The following AFG3L2 variants were observed in gnomAD, a reference collection of about 807,000 sequenced individuals.
AFG3L2 encodes the protein AFG3 like matrix AAA peptidase subunit 2, also known as mitochondrial inner membrane m-AAA protease component AFG3L2.
Under a neutral mutation model 94.5 loss-of-function variants are expected in AFG3L2, and 54 were observed. That is an observed-to-expected ratio of 0.57 (90% CI 0.46 to 0.72). The LOEUF (loss-of-function observed/expected upper bound fraction) is 0.72. Among genes scored for constraint, AFG3L2 ranks in the 30% least tolerant of loss-of-function variants. The pLI is 0.00. For synonymous variants in AFG3L2, 377 were observed against 365.5 expected (o/e 1.03, Z -0.36); for missense variants, 754 against 994.9 (o/e 0.76, Z 3.26).
chr18:12,357,732 G>A (rs1404903393), intron 8 of AFG3L2, among the ~76,000 whole-genome samples: 1 of 152,038 alleles, frequency 6.6e-6, no homozygotes, highest in Non-Finnish European at 1.5e-5. Context: ...TGAGCAGCTG[G>A]GATTACAGGC....
At chr18:12,358,233 G>A (rs1908553107) in intron 8 of AFG3L2, among the ~76,000 whole-genome samples, 1 of 152,236 alleles carries the variant, frequency 6.6e-6, no homozygotes, top group Admixed American at 6.5e-5. Flanking sequence ...AGGGGAAGGT[G>A]ATGGTGAGTG....
chr18:12,358,613 T>C (rs1908564441), intron 8 of AFG3L2, 57 bp downstream of exon 8: 13 of 1,558,620 alleles, frequency 8.3e-6, no homozygotes, highest in Non-Finnish European at 1.1e-5. Flanking sequence ...CTTCACAGAA[T>C]TATAACTTCA....
intron 1 of AFG3L2, among the ~76,000 whole-genome samples, chr18:12,372,876 G>GAATGATTACAGAGAAATGCGA (rs1432968192): frequency 2.1e-4 from 32 of 152,218 alleles, no homozygotes; most frequent in African/African-American, 7.5e-4. Context: ...AGAGTTGGGG[G>GAATGATTACAGAGAAATGCGA]AATGATTACA....
intron 13 of AFG3L2, among the ~76,000 whole-genome samples, chr18:12,346,165 G>A (rs1287262290): frequency 6.6e-6 from 1 of 152,156 alleles, no homozygotes; most frequent in African/African-American, 2.4e-5. Flanking sequence ...CTTGTCTGCT[G>A]ATGCACCTTC....
chr18:12,373,773 G>A (rs1419317330), intron 1 of AFG3L2, among the ~76,000 whole-genome samples: 1 of 152,048 alleles, frequency 6.6e-6, no homozygotes, highest in African/African-American at 2.4e-5. Context: ...TACCATGAGG[G>A]AGGAACTTCT....
At position 12,359,021 on chromosome 18, in the gene AFG3L2, T is replaced by C. The variant is rs80162526; in HGVS notation, c.753-78A>G. 14,025 of 1,538,678 alleles carry C rather than the reference T, an allele frequency of 9.1e-3. 82 individuals carry two copies. Among genetic ancestry groups the C allele is most frequent in the Non-Finnish European group, 0.011 (12,538 of 1,135,542 alleles). On this transcript the variant is annotated intron_variant, in intron 7 of 16. Transcript: ENST00000269143. The stretch of plus-strand genomic sequence containing the variant: ...TCACATGTGGTGCAAGATATCAATA[T>C]AAATATATATAGCTACACCAAGGTA...
intron 6 of AFG3L2, among the ~76,000 whole-genome samples, chr18:12,362,083 GT>G (rs1568143767): frequency 6.6e-6 from 1 of 152,212 alleles, no homozygotes; most frequent in Admixed American, 6.5e-5. Flanking sequence ...CAGGACTCAA[GT>G]TTTAATAGCT....
In AFG3L2 at chr18:12,340,288, A is replaced by C. The variant is rs765081753; in HGVS notation, c.1893T>G (p.Gly631=). Residue 631 remains glycine, a synonymous_variant, in exon 15 of 17, where the codon GGT becomes GGG. Transcript: ENST00000269143. ...CAAAGAAGATTTCTTCAGAGACTCG[A>C]CCACCTAAAGTCATACACATCCTAT... ...LLDRMCMTLG[G]RVSEEIFFGR... is the part of the protein sequence containing the mutation. The C allele has an allele frequency of 5.6e-6, 9 of 1,614,052 alleles. No homozygotes were observed. The Admixed American group carries it at 1.5e-4, about 27-fold the overall frequency.
chr18:12,366,897 T>C (rs1468122986), intron 5 of AFG3L2, 68 bp downstream of exon 5: 1 of 1,587,904 alleles, frequency 6.3e-7, no homozygotes, highest in African/African-American at 1.3e-5. Context: ...TGACTGTCAC[T>C]TCTTTGGTCT....
chr18:12,367,314 T>G lies in AFG3L2; in HGVS notation c.361A>C (p.Lys121Gln), dbSNP rs781722307. The G allele has an allele frequency of 1.2e-6, 2 of 1,614,106 alleles. No homozygotes were observed. Among genetic ancestry groups the G allele is most frequent in the Non-Finnish European group, 1.7e-6 (2 of 1,180,056 alleles). The change falls in exon 4 of 17, where the codon AAG becomes CAG. Residue 121 changes from lysine (K) to glutamine (Q), a missense_variant. This residue lies in a region of AFG3L2 where 236 missense variants were observed against 214.0 expected (regional missense o/e 1.10). Transcript: ENST00000269143. ...GACCACCAGTGAGAATCATCTTTCT[T>G]GCCACCTCGTTTTCCACCGCCACCA... ...GGGGGGKRGGKKDDSHWWSRF... is the reference protein window; with the variant it reads ...GGGGGGKRGGQKDDSHWWSRF...
rs1293424325 is a variant in AFG3L2, at chr18:12,367,128, A to C, written c.400-11T>G. 1.9e-6 allele frequency: 3 copies of C among 1,614,088 alleles called. No individual in the cohort carries two copies. The highest frequency in any genetic ancestry group is 1.3e-5 in the African/African-American group (1 of 74,922). On this transcript the variant is annotated splice_polypyrimidine_tract_variant and intron_variant, in intron 4 of 16. Transcript: ENST00000269143. ...CCATGGAATGTCACCCTGGGCAGAG[A>C]GGGAGACAGCTTCTGTGAAGAATGA...
At chr18:12,342,895 T>G (rs2143135067) in intron 14 of AFG3L2, 1 of 152,296 alleles carries the variant, frequency 6.6e-6, no homozygotes, top group South Asian at 2.1e-4. Flanking sequence ...CACTACACTC[T>G]CATCACTGTA....
chr18:12,371,446 T>C, intron 2 of AFG3L2, 146 bp downstream of exon 2: 1 of 699,816 alleles, frequency 1.4e-6, no homozygotes, highest in South Asian at 1.6e-5. Context: ...ATCAATTTCA[T>C]TATCTACAAA....
Position 12,337,327 on chromosome 18 carries a change from C to T in AFG3L2, c.2175+14G>A, listed in dbSNP as rs758755215. ...GCAAAACTGTAAAGAATTATTCCCA[C>T]AACTGGCACCTACCTTCTCCACGTC... On this transcript the variant is annotated intron_variant, in intron 16 of 16. Coordinates refer to ENST00000269143, the MANE Select transcript of AFG3L2 (RefSeq NM_006796.3). 3.8e-5 allele frequency: 61 copies of T among 1,612,606 alleles called. No individual in the cohort carries two copies. The East Asian group carries it at 1.3e-3, about 35-fold the overall frequency.
Position 12,332,942 on chromosome 18 carries a change from TATA to T in AFG3L2, c.2176-3162_2176-3160del, listed in dbSNP as rs1335947742. Among the ~76,000 whole-genome samples, 674 of 121,772 alleles carry T rather than the reference TATA, an allele frequency of 5.5e-3. 14 individuals carry two copies. Among genetic ancestry groups the T allele is most frequent in the African/African-American group, 0.019 (636 of 33,092 alleles). 79.9% of individuals were successfully genotyped at this position (121,772 alleles called of 152,430 possible). A position where few individuals can be genotyped will look rare whatever the true frequency, so the allele number is the denominator to read the frequency against. On this transcript the variant is annotated intron_variant, in intron 16 of 16. Coordinates refer to ENST00000269143, the MANE Select transcript of AFG3L2 (RefSeq NM_006796.3). ...TATATATAACATATACTATATAACA[TATA>T]ATATATTATATACTATAATATATTA...
chr18:12,358,830 A>T lies in AFG3L2; in HGVS notation c.866T>A (p.Phe289Tyr). ...CTTGGCAGTGGTTTCTCCGACACTG[A>T]AGAGTCCGCCCATCCCTCGGCCTGT... is the stretch of plus-strand genomic sequence containing the variant. Reference protein sequence around the residue: ...GRTGRGMGGLFSVGETTAKVL... With the variant: ...GRTGRGMGGLYSVGETTAKVL... Residue 289 changes from phenylalanine to tyrosine, a missense_variant, in exon 8 of 17, where the codon TTC becomes TAC. By Grantham distance (22) the Phe-to-Tyr change is conservative. Transcript: ENST00000269143. 1 of 1,614,238 alleles carries T rather than the reference A, an allele frequency of 6.2e-7. No homozygotes were observed. Among genetic ancestry groups the T allele is most frequent in the Non-Finnish European group, 8.5e-7 (1 of 1,180,048 alleles).
intron 5 of AFG3L2, among the ~76,000 whole-genome samples, chr18:12,365,868 A>G (rs1908788493): frequency 7.6e-6 from 1 of 132,398 alleles, no homozygotes; most frequent in Non-Finnish European, 1.6e-5. Context: ...CACTGCATCA[A>G]TTCTTTTTTT....
intron 12 of AFG3L2, among the ~76,000 whole-genome samples, chr18:12,348,809 T>G (rs1287902962): frequency 6.6e-6 from 1 of 152,256 alleles, no homozygotes; most frequent in Non-Finnish European, 1.5e-5. Flanking sequence ...CCTAGTACAT[T>G]CAGTGAAACA....
Position 12,353,175 on chromosome 18 carries a change from A to T in AFG3L2, c.1165-17T>A, listed in dbSNP as rs1908375709. 6.2e-7 allele frequency: 1 copy of T among 1,613,640 alleles called. No individual in the cohort carries two copies. On this transcript the variant is annotated splice_polypyrimidine_tract_variant and intron_variant, in intron 9 of 16. Coordinates refer to ENST00000269143, the MANE Select transcript of AFG3L2 (RefSeq NM_006796.3). ...GTCTCGGACCTTGGCAAAAACAGAA[A>T]GAGAGTCACCTGACCAGAGAATATT...
Sources: gnomAD v4.1 joint callset for allele counts (sites outside exome capture counted in the v4.1 genomes callset) on GRCh38, gnomAD v4.1.1 for gene constraint, gnomAD v4.1.1 regional missense constraint, MANE v1.5 for transcripts, NCBI Gene and HGNC (gene_info 2026-07-23, HGNC 2026-07-21) for gene names.